Variants in SMOC2 observed in about 807,000 individuals in gnomAD.
The protein encoded by SMOC2 is SPARC-related modular calcium-binding protein 2.
SMOC2 carries 39 observed loss-of-function variants against 61.4 expected under a neutral mutation model. The observed-to-expected ratio is 0.64, with a 90% CI of 0.49 to 0.83. The LOEUF is 0.83. Ranked by LOEUF, SMOC2 falls within the 40% of genes least tolerant of loss-of-function variation. The pLI is 0.00. For synonymous variants in SMOC2, 247 were observed against 239.9 expected (o/e 1.03, Z -0.27); for missense variants, 556 against 592.9 (o/e 0.94, Z 0.65).
chr6:168,577,221 TA>T (rs1382823483), intron 7 of SMOC2, among the ~76,000 whole-genome samples: 2 of 152,108 alleles, frequency 1.3e-5, no homozygotes. Context: ...CAGGATGCCT[TA>T]TTCCATCTAA....
chr6:168,664,504 G>A (rs555096500), intron 12 of SMOC2: 21 of 392,384 alleles, frequency 5.4e-5, no homozygotes, highest in Admixed American at 1.1e-4. Context: ...ATGCGCCACC[G>A]TACCCGGCTG....
intron 9 of SMOC2, among the ~76,000 whole-genome samples, chr6:168,626,508 T>C (rs1786414084): frequency 6.6e-6 from 1 of 152,196 alleles, no homozygotes; most frequent in African/African-American, 2.4e-5. Flanking sequence ...CCGTGGCGAT[T>C]CCGCAGACAG....
rs933305824 is a variant in SMOC2, at chr6:168,535,777, G to T, written c.464-7848G>T. Among the ~76,000 whole-genome samples, 2 of 152,200 alleles carry T rather than the reference G, an allele frequency of 1.3e-5. No homozygotes were observed. Among genetic ancestry groups the T allele is most frequent in the Non-Finnish European group, 2.9e-5 (2 of 68,042 alleles). ...AGGATGTCAGGAGAGAGGCAGCGCC[G>T]CCGGGGGAAGATGGGAGGGAGACCA... On this transcript the variant is annotated intron_variant, in intron 4 of 12. Transcript: ENST00000356284. This position sits in a 1 kb window ranked among gnomAD's most constrained non-coding sequence, Gnocchi z 4.6.
chr6:168,603,816 C>G (rs1007700242), intron 8 of SMOC2, among the ~76,000 whole-genome samples: 7 of 152,138 alleles, frequency 4.6e-5, no homozygotes, highest in Admixed American at 2.0e-4. Context: ...GAGTCAAGAC[C>G]TCAAGAAGCA....
At chr6:168,467,907 A>G (rs1781880425) in intron 1 of SMOC2, among the ~76,000 whole-genome samples, 1 of 152,298 alleles carries the variant, frequency 6.6e-6, no homozygotes, top group East Asian at 1.9e-4. Context: ...ATTATTTGTT[A>G]TGCAAAAGGA....
At chr6:168,660,853 C>T (rs962322418) in intron 11 of SMOC2, among the ~76,000 whole-genome samples, 7 of 152,222 alleles carry the variant, frequency 4.6e-5, no homozygotes, top group South Asian at 2.1e-4. Flanking sequence ...GAGCACAGCG[C>T]GATCTCTTCT....
At chr6:168,624,631 CA>C (rs1302988993) in intron 9 of SMOC2, among the ~76,000 whole-genome samples, 4 of 100,002 alleles carry the variant, frequency 4.0e-5, no homozygotes, top group Non-Finnish European at 6.5e-5. Flanking sequence ...CAGACACAGA[CA>C]ACAGTACAAA....
intron 9 of SMOC2, among the ~76,000 whole-genome samples, chr6:168,633,145 A>G (rs902843934): frequency 1.3e-5 from 2 of 152,202 alleles, no homozygotes; most frequent in African/African-American, 4.8e-5. Flanking sequence ...CCTGCCAGGA[A>G]TGAGTAAGGA....
At chr6:168,659,380 AT>A (rs1787414609) in intron 11 of SMOC2, among the ~76,000 whole-genome samples, 1 of 148,872 alleles carries the variant, frequency 6.7e-6, no homozygotes, top group Non-Finnish European at 1.5e-5. Flanking sequence ...CCTCATCATG[AT>A]TTCCCAGGCA....
intron 4 of SMOC2, among the ~76,000 whole-genome samples, chr6:168,531,529 C>T (rs1276284162): frequency 6.6e-6 from 1 of 152,138 alleles, no homozygotes; most frequent in Non-Finnish European, 1.5e-5. Context: ...ATCCCTGAGC[C>T]TGAGGGAGGG....
In SMOC2 at chr6:168,526,473, G is replaced by A. The variant is rs751849806; in HGVS notation, c.363+21G>A. 39 of 1,602,982 alleles carry A rather than the reference G, an allele frequency of 2.4e-5. 1 individual carries two copies. The Admixed American group carries it at 6.5e-4, about 27-fold the overall frequency. On this transcript the variant is annotated intron_variant, in intron 3 of 12. Coordinates refer to ENST00000356284, the MANE Select transcript of SMOC2 (RefSeq NM_001166412.2). ...GTCAGGTTACCGGCCTTGCTTGGGA[G>A]GTTCTGCACCTGTGCGATTAGGGAG...
chr6:168,625,985 A>G (rs1361991421), intron 9 of SMOC2, among the ~76,000 whole-genome samples: 3 of 152,300 alleles, frequency 2.0e-5, no homozygotes, highest in Admixed American at 6.5e-5. Context: ...TGGCTCCCCT[A>G]TTCTGCAGTG....
At chr6:168,648,125 T>C (rs889832193) in intron 9 of SMOC2, among the ~76,000 whole-genome samples, 1 of 152,228 alleles carries the variant, frequency 6.6e-6, no homozygotes, top group Admixed American at 6.5e-5. Flanking sequence ...CACATAATTC[T>C]TTCTTAAAGC....
intron 9 of SMOC2, among the ~76,000 whole-genome samples, chr6:168,630,654 G>A (rs1291981868): frequency 6.6e-6 from 1 of 152,204 alleles, no homozygotes; most frequent in Non-Finnish European, 1.5e-5. Context: ...GGTGAGCCGG[G>A]TGGAACAGAG....
chr6:168,634,983 T>A lies in SMOC2; in HGVS notation c.908-15698T>A, dbSNP rs115320295. ...AGTTTTCAGATGCTCATTTAAACAA[T>A]GAGTTAGCAGCCTGCATGTCTTCAA... On this transcript the variant is annotated intron_variant, in intron 9 of 12. Coordinates refer to ENST00000356284, the MANE Select transcript of SMOC2 (RefSeq NM_001166412.2). Among the ~76,000 whole-genome samples, 872 of 152,324 alleles carry A rather than the reference T, an allele frequency of 5.7e-3. 14 individuals are homozygous for A. The highest frequency in any genetic ancestry group is 0.02 in the African/African-American group (819 of 41,576).
At chr6:168,652,173 T>C (rs938011418) in intron 10 of SMOC2, among the ~76,000 whole-genome samples, 3 of 152,224 alleles carry the variant, frequency 2.0e-5, no homozygotes, top group African/African-American at 7.2e-5. Flanking sequence ...AGTAAATGAA[T>C]TGCTAACTAA....
At chr6:168,537,583 A>C (rs1783762338) in intron 4 of SMOC2, among the ~76,000 whole-genome samples, 1 of 152,352 alleles carries the variant, frequency 6.6e-6, no homozygotes, top group East Asian at 1.9e-4. Context: ...GCAGGATGTA[A>C]GAAGCACGTT....
chr6:168,576,184 C>G (rs1784800033), intron 7 of SMOC2, among the ~76,000 whole-genome samples: 1 of 152,132 alleles, frequency 6.6e-6, no homozygotes, highest in South Asian at 2.1e-4. Flanking sequence ...CAACTCTGCT[C>G]ATTCAAACAG....
intron 9 of SMOC2, among the ~76,000 whole-genome samples, chr6:168,638,565 G>A (rs1786806243): frequency 6.6e-6 from 1 of 152,224 alleles, no homozygotes; most frequent in Non-Finnish European, 1.5e-5. Flanking sequence ...AGCACACAGG[G>A]CTCCCGCTCA....
Sources: allele counts gnomAD v4.1 joint callset (sites outside exome capture counted in the v4.1 genomes callset), GRCh38; gene constraint gnomAD v4.1.1; non-coding constraint Gnocchi (gnomAD v3.1); transcripts MANE v1.5; gene names NCBI Gene and HGNC (gene_info 2026-07-23, HGNC 2026-07-21).